MFSD1: variants seen among roughly 807,000 people sequenced by gnomAD.
The protein encoded by MFSD1 is lysosomal dipeptide transporter MFSD1.
MFSD1 carries 59 observed loss-of-function variants against 67.1 expected under a neutral mutation model. The observed-to-expected ratio is 0.88, with a 90% CI of 0.71 to 1.09. MFSD1 has a LOEUF of 1.09. Ranked by LOEUF, MFSD1 falls within the 50% of genes least tolerant of loss-of-function variation. MFSD1 has a pLI of 0.00. For synonymous variants in MFSD1, 213 were observed against 200.3 expected (o/e 1.06, Z -0.54); for missense variants, 552 against 566.1 (o/e 0.97, Z 0.25).
At chr3:158,810,832 G>A (rs572720308) in intron 6 of MFSD1, among the ~76,000 whole-genome samples, 1 of 152,144 alleles carries the variant, frequency 6.6e-6, no homozygotes, top group Non-Finnish European at 1.5e-5. Flanking sequence ...TAATTCTTTG[G>A]TAAATAGTGT....
intron 12 of MFSD1, 59 bp downstream of exon 12, chr3:158,823,584 A>G (rs903099903): frequency 3.5e-5 from 43 of 1,212,344 alleles, no homozygotes; most frequent in Non-Finnish European, 5.1e-5. Context: ...TTTAATTATC[A>G]TATAAAACTC....
Position 158,820,273 on chromosome 3 carries a change from T to G in MFSD1, c.810T>G (p.Phe270Leu). Reference protein sequence around the residue: ...KDFSLPLWLIFIICVCYYVAV... With the variant: ...KDFSLPLWLILIICVCYYVAV... The stretch of plus-strand genomic sequence containing the variant: ...TCTCCTTACCCCTGTGGCTTATATT[T>G]ATCATCTGTGTCTGCTATTATGTTG... The change falls in exon 9 of 16, where the codon TTT (phenylalanine) becomes TTG (leucine). Residue 270 changes from phenylalanine (F) to leucine (L), a missense_variant. Transcript: ENST00000415822. The G allele has an allele frequency of 6.2e-7, 1 of 1,612,238 alleles. No homozygotes were observed. Among genetic ancestry groups the G allele is most frequent in the Non-Finnish European group, 8.5e-7 (1 of 1,178,468 alleles).
intron 5 of MFSD1, chr3:158,808,898 T>C (rs893308400): frequency 9.7e-6 from 3 of 309,346 alleles, no homozygotes; most frequent in Non-Finnish European, 1.8e-5. Context: ...TGTGGTTTGC[T>C]GTCTCATAGC....
chr3:158,805,474 G>T lies in MFSD1; in HGVS notation c.329G>T (p.Arg110Leu), dbSNP rs756548123. The T allele has an allele frequency of 6.2e-7, 1 of 1,601,362 alleles. No individual in the cohort carries two copies. Among genetic ancestry groups the T allele is most frequent in the South Asian group, 1.1e-5 (1 of 90,816 alleles). Residue 110 changes from arginine (R) to leucine (L), a missense_variant and splice_region_variant, in exon 3 of 16, where the codon CGA becomes CTA. By Grantham distance (102) the Arg-to-Leu change is moderately radical. Transcript: ENST00000415822. Reference sequence around the variant, plus strand: ...TTGATAGACCGAGTATTTGGAATACGGTAAGCTTGAAAAGAAACTATGGGT... The same window carrying T: ...TTGATAGACCGAGTATTTGGAATACTGTAAGCTTGAAAAGAAACTATGGGT... ...GFLIDRVFGIRWGTIIFSCFV... is the reference protein window; with the variant it reads ...GFLIDRVFGILWGTIIFSCFV...
rs1288161558 is a variant in MFSD1 at position 158,809,161 on chromosome 3, T to C, written c.441-18T>C. The C allele has an allele frequency of 1.3e-6, 2 of 1,536,208 alleles. No individual in the cohort carries two copies. The highest frequency in any genetic ancestry group is 1.7e-6 in the Non-Finnish European group (2 of 1,144,002). ...TAAAGTTGTGACTTCTGGTTTTTTT[T>C]TTTTTTTCTATTTTTAGGATTGGTG... On this transcript the variant is annotated intron_variant, in intron 5 of 15. Coordinates refer to ENST00000415822, the MANE Select transcript of MFSD1 (RefSeq NM_022736.4).
chr3:158,807,114 G>C lies in MFSD1; in HGVS notation c.372+32G>C, dbSNP rs747915636. 4.4e-6 allele frequency: 7 copies of C among 1,574,360 alleles called. No homozygotes were observed. The Admixed American group carries it at 1.2e-4, about 27-fold the overall frequency. On this transcript the variant is annotated intron_variant, in intron 4 of 15. Coordinates refer to ENST00000415822, the MANE Select transcript of MFSD1 (RefSeq NM_022736.4). ...AAGGCCAAAACATTCATTGATTATT[G>C]ACAGTGACTTCTAAATTCTTATCTA...
At chr3:158,824,308 T>A in intron 13 of MFSD1, 72 bp downstream of exon 13, 3 of 1,089,910 alleles carry the variant, frequency 2.8e-6, no homozygotes, top group Non-Finnish European at 4.1e-6. Flanking sequence ...TACTTAGGCA[T>A]AGCTCCCAGA....
At chr3:158,808,897 C>T in intron 5 of MFSD1, 1 of 304,342 alleles carries the variant, frequency 3.3e-6, no homozygotes, top group Non-Finnish European at 6.1e-6. Flanking sequence ...TTGTGGTTTG[C>T]TGTCTCATAG....
intron 1 of MFSD1, among the ~76,000 whole-genome samples, chr3:158,803,462 A>G (rs1344212713): frequency 6.6e-6 from 1 of 152,060 alleles, no homozygotes; most frequent in African/African-American, 2.4e-5. Flanking sequence ...AACCACCACC[A>G]CAACAAAGAA....
intron 6 of MFSD1, among the ~76,000 whole-genome samples, chr3:158,810,763 A>G (rs1364067383): frequency 6.6e-6 from 1 of 152,220 alleles, no homozygotes; most frequent in Non-Finnish European, 1.5e-5. Flanking sequence ...ACAGGCTATT[A>G]TTACTTTTAG....
chr3:158,803,694 T>C (rs941207851), intron 1 of MFSD1, among the ~76,000 whole-genome samples: 2 of 152,228 alleles, frequency 1.3e-5, no homozygotes, highest in Non-Finnish European at 2.9e-5. Context: ...AATTATTTTA[T>C]CTTTAAAATA....
At chr3:158,828,735 A>G (rs1213147006) in intron 15 of MFSD1, among the ~76,000 whole-genome samples, 1 of 151,906 alleles carries the variant, frequency 6.6e-6, no homozygotes, top group Non-Finnish European at 1.5e-5. Context: ...ACTACTAGAA[A>G]TAACCTCATA....
At chr3:158,809,611 G>A (rs1291014892) in intron 6 of MFSD1, among the ~76,000 whole-genome samples, 1 of 152,080 alleles carries the variant, frequency 6.6e-6, no homozygotes, top group African/African-American at 2.4e-5. Context: ...CGGCTGTCCA[G>A]GTTCAGTTTG....
chr3:158,821,503 C>A, intron 9 of MFSD1, 94 bp from the exon 10 acceptor site: 2 of 778,898 alleles, frequency 2.6e-6, no homozygotes, highest in South Asian at 3.4e-5. Context: ...AAGAAAGAAG[C>A]TGATTAAACT....
chr3:158,817,119 A>G (rs540137536), intron 7 of MFSD1, among the ~76,000 whole-genome samples: 46 of 152,324 alleles, frequency 3.0e-4, no homozygotes, highest in African/African-American at 1.1e-3. Flanking sequence ...AGAGCTATCT[A>G]TAGCAAACCC....
chr3:158,805,230 T>C (rs780507466), intron 2 of MFSD1, 132 bp from the exon 3 acceptor site: 30 of 729,958 alleles, frequency 4.1e-5, no homozygotes, highest in Non-Finnish European at 7.3e-5. Flanking sequence ...GACTTATAAA[T>C]GGTTAAAAAA....
chr3:158,827,334 C>A lies in MFSD1; in HGVS notation c.1391C>A (p.Thr464Asn). 1 of 1,527,338 alleles carries A rather than the reference C, an allele frequency of 6.5e-7. No individual in the cohort carries two copies. The allele number at this position is 1,527,338 out of a possible 1,614,324, so 94.6% of individuals were successfully genotyped here. The change falls in exon 15 of 16, where the codon ACT (threonine) becomes AAT (asparagine). Residue 464 changes from threonine (T) to asparagine (N), a missense_variant. Physicochemically the swap from Thr to Asn is moderately conservative, Grantham distance 65 (BLOSUM62 0). Coordinates refer to ENST00000415822, the MANE Select transcript of MFSD1 (RefSeq NM_022736.4). ...AGGGAAGAAATAAAATTTTCCCATACTGAGTAAGTATTAAAAGGGTAAAAA... is the reference window on the plus strand; with the variant it reads ...AGGGAAGAAATAAAATTTTCCCATAATGAGTAAGTATTAAAAGGGTAAAAA... ...RQREEIKFSH[T>N]E
At chr3:158,816,521 T>G (rs889076042) in intron 7 of MFSD1, among the ~76,000 whole-genome samples, 2 of 152,202 alleles carry the variant, frequency 1.3e-5, no homozygotes, top group East Asian at 3.9e-4. Context: ...TGTAAATTTG[T>G]TTGAGTTCAT....
At chr3:158,826,172 T>C (rs1468110627) in intron 14 of MFSD1, 110 bp downstream of exon 14, 4 of 756,256 alleles carry the variant, frequency 5.3e-6, no homozygotes, top group Admixed American at 4.3e-5. Context: ...GTAATGACTT[T>C]CTGTTCATAA....
Sources: gnomAD v4.1 joint callset for allele counts (sites outside exome capture counted in the v4.1 genomes callset) on GRCh38, gnomAD v4.1.1 for gene constraint, MANE v1.5 for transcripts, NCBI Gene and HGNC (gene_info 2026-07-23, HGNC 2026-07-21) for gene names.